Variants in MYRIP observed in about 807,000 individuals in gnomAD.
The protein encoded by MYRIP is rab effector MyRIP.
MYRIP carries 49 observed loss-of-function variants against 98.0 expected under a neutral mutation model. The ratio of observed to expected loss-of-function variants is 0.50; its 90% CI spans 0.40 to 0.63. The LOEUF (loss-of-function observed/expected upper bound fraction) is 0.63. MYRIP is among the 30% of genes least tolerant of loss of function. The pLI is 0.00. For missense variants in MYRIP, 1,004 were observed against 1,058.2 expected (o/e 0.95, Z 0.71); for synonymous variants, 404 against 409.5 (o/e 0.99, Z 0.16).
intron 1 of MYRIP, among the ~76,000 whole-genome samples, chr3:39,865,762 T>C (rs1942601517): frequency 6.6e-6 from 1 of 152,204 alleles, no homozygotes; most frequent in Non-Finnish European, 1.5e-5. Flanking sequence ...TGGAAAGCAG[T>C]GTGGTGATTT....
At chr3:39,994,676 C>A (rs921206270) in intron 2 of MYRIP, among the ~76,000 whole-genome samples, 1 of 152,214 alleles carries the variant, frequency 6.6e-6, no homozygotes, top group Non-Finnish European at 1.5e-5. Flanking sequence ...TGTCCGACAG[C>A]TTTGAAGAGA....
intron 2 of MYRIP, among the ~76,000 whole-genome samples, chr3:40,009,168 G>T (rs1195500010): frequency 6.6e-6 from 1 of 152,154 alleles, no homozygotes; most frequent in Non-Finnish European, 1.5e-5. Context: ...GAGACTGCCA[G>T]ACCCTGCCAT....
intron 11 of MYRIP, among the ~76,000 whole-genome samples, chr3:40,214,236 A>G (rs1369630240): frequency 6.6e-6 from 1 of 152,198 alleles, no homozygotes; most frequent in African/African-American, 2.4e-5. Context: ...GGCTACTGAT[A>G]GGCCTCATCT....
intron 8 of MYRIP, among the ~76,000 whole-genome samples, chr3:40,177,957 G>A (rs146976530): frequency 6.6e-6 from 1 of 152,172 alleles, no homozygotes; most frequent in African/African-American, 2.4e-5. Flanking sequence ...AATGGCCATA[G>A]TATAGAATTA....
chr3:40,229,470 A>T (rs914692950), intron 11 of MYRIP, among the ~76,000 whole-genome samples: 5 of 152,204 alleles, frequency 3.3e-5, no homozygotes, highest in African/African-American at 1.2e-4. Flanking sequence ...TTGGCACGGT[A>T]AATGACTGTC....
chr3:39,881,949 GT>G (rs554563699), intron 1 of MYRIP, among the ~76,000 whole-genome samples: 7 of 151,442 alleles, frequency 4.6e-5, no homozygotes, highest in East Asian at 3.9e-4. Context: ...ACTTTTGAGG[GT>G]TTTTTTCCCA....
intron 3 of MYRIP, among the ~76,000 whole-genome samples, chr3:40,096,899 C>T (rs1267225967): frequency 6.6e-6 from 1 of 152,180 alleles, no homozygotes; most frequent in African/African-American, 2.4e-5. Context: ...TTGGCAAAGC[C>T]CCTGGTTTAC....
rs754615369 is a variant in MYRIP at position 40,189,900 on chromosome 3, C to A, written c.1102C>A (p.Leu368Ile). 3.1e-6 allele frequency: 5 copies of A among 1,614,212 alleles called. No individual in the cohort carries two copies. The Middle Eastern group carries it at 8.2e-4, about 266-fold the overall frequency. Residue 368 changes from leucine to isoleucine, a missense_variant, in exon 10 of 17, where the codon CTA (leucine) becomes ATA (isoleucine). Transcript: ENST00000302541. ...LKDGAPPPTR[L>I]LAKPKSGTFQ... Reference sequence around the variant, plus strand: ...GGATGGCGCTCCACCCCCCACCCGACTACTGGCCAAACCTAAGAGCGGGAC... The same window carrying A: ...GGATGGCGCTCCACCCCCCACCCGAATACTGGCCAAACCTAAGAGCGGGAC...
chr3:39,859,146 C>A (rs1297233922), intron 1 of MYRIP, among the ~76,000 whole-genome samples: 1 of 145,430 alleles, frequency 6.9e-6, no homozygotes, highest in Non-Finnish European at 1.5e-5. Flanking sequence ...CTTGGCTAGA[C>A]TAACGAAAGA....
intron 2 of MYRIP, among the ~76,000 whole-genome samples, chr3:40,012,770 T>G (rs557346994): frequency 6.6e-6 from 1 of 152,302 alleles, no homozygotes; most frequent in South Asian, 2.1e-4. Flanking sequence ...TTTATGCCAT[T>G]GGCTTCCCTG....
At chr3:40,130,416 G>T (rs1375782114) in intron 3 of MYRIP, among the ~76,000 whole-genome samples, 1 of 143,588 alleles carries the variant, frequency 7.0e-6, no homozygotes, top group East Asian at 2.1e-4. Context: ...CTCGCTCTGT[G>T]GCCCAGGCGG....
rs200937857 is a variant in MYRIP, at chr3:40,169,951, T to G, written c.731T>G (p.Ile244Ser). Residue 244 changes from isoleucine to serine, a missense_variant and splice_region_variant, in exon 8 of 17, where the codon ATT becomes AGT. Ile to Ser is a moderately radical substitution (Grantham distance 142). Around this residue, in one of 3 missense-constraint regions of MYRIP, gnomAD observed 880 missense variants for 907.7 expected, o/e 0.97. Transcript: ENST00000302541. ...CCTTTTTTGTCCTCCCCTCCCCAGA[T>G]TATACGAAAACAGAAGAGCAAAAGT... ...EELATTILQK[I>S]IRKQKSKSEQ... 1 of 1,614,156 alleles carries G rather than the reference T, an allele frequency of 6.2e-7. No homozygotes were observed. The highest frequency in any genetic ancestry group is 1.7e-5 in the Admixed American group (1 of 60,026).
At chr3:39,901,168 T>C (rs1309937718) in intron 2 of MYRIP, among the ~76,000 whole-genome samples, 2 of 152,230 alleles carry the variant, frequency 1.3e-5, no homozygotes, top group Admixed American at 6.5e-5. Context: ...TTACTAGCTA[T>C]AGAATGAGTG....
chr3:40,144,979 C>T (rs750189799), intron 3 of MYRIP, among the ~76,000 whole-genome samples: 1 of 152,186 alleles, frequency 6.6e-6, no homozygotes, highest in African/African-American at 2.4e-5. Flanking sequence ...GAGGACTCAT[C>T]ATTTTAGAGC....
At chr3:40,079,201 C>A (rs1035785476) in intron 3 of MYRIP, among the ~76,000 whole-genome samples, 1 of 152,202 alleles carries the variant, frequency 6.6e-6, no homozygotes, top group Non-Finnish European at 1.5e-5. Flanking sequence ...ACCATTTAAG[C>A]CTTCTTAGAC....
chr3:39,949,411 C>G (rs932821478), intron 2 of MYRIP, among the ~76,000 whole-genome samples: 3 of 152,058 alleles, frequency 2.0e-5, no homozygotes, highest in African/African-American at 7.2e-5. Context: ...ACATAATACA[C>G]TCAATGTTGA....
upstream of MYRIP, among the ~76,000 whole-genome samples, chr3:39,809,140 T>C (rs1940568887): frequency 6.6e-6 from 1 of 152,214 alleles, no homozygotes; most frequent in South Asian, 2.1e-4. Context: ...CGCCACACCA[T>C]GTCTTAGATT....
At chr3:40,167,904 G>A (rs1950531010) in intron 7 of MYRIP, among the ~76,000 whole-genome samples, 1 of 152,144 alleles carries the variant, frequency 6.6e-6, no homozygotes, top group Non-Finnish European at 1.5e-5. Context: ...GAGCTTCCAT[G>A]CTCTCTCTGT....
chr3:39,857,028 T>A (rs1942317175), intron 1 of MYRIP, among the ~76,000 whole-genome samples: 1 of 152,126 alleles, frequency 6.6e-6, no homozygotes, highest in Non-Finnish European at 1.5e-5. Context: ...GAGACCAGCC[T>A]GGACAACATA....
Sources: allele counts gnomAD v4.1 joint callset (sites outside exome capture counted in the v4.1 genomes callset), GRCh38; gene constraint gnomAD v4.1.1; regional missense constraint gnomAD v4.1.1; transcripts MANE v1.5; gene names NCBI Gene and HGNC (gene_info 2026-07-23, HGNC 2026-07-21).